Variants in SORBS2 observed in about 807,000 individuals in gnomAD.
The protein encoded by SORBS2 is sorbin and SH3 domain-containing protein 2.
A neutral mutation model predicts 97.7 loss-of-function variants in SORBS2; 46 were observed. That is an observed-to-expected ratio of 0.47 (90% CI 0.37 to 0.60). The LOEUF (loss-of-function observed/expected upper bound fraction) is 0.60, where lower values mean the gene tolerates loss of function less well. SORBS2 is among the 20% of genes least tolerant of loss of function. SORBS2 has a pLI of 0.00. For missense variants in SORBS2, 1,316 were observed against 1,282.3 expected, an observed-to-expected ratio of 1.03 and a Z score of -0.40; for synonymous variants, 476 against 473.4, an observed-to-expected ratio of 1.01 and a Z score of -0.07.
chr4:185,635,496 AG>A, intron 4 of SORBS2, 85 bp from the exon 16 acceptor site: 1 of 997,884 alleles, frequency 1.0e-6, no homozygotes, highest in South Asian at 1.4e-5. Flanking sequence ...CATGTGGAAA[AG>A]GTGACAACAG....
At chr4:185,865,237 G>T (rs1400083740) in intron 1 of SORBS2, among the ~76,000 whole-genome samples, 1 of 152,124 alleles carries the variant, frequency 6.6e-6, no homozygotes, top group Non-Finnish European at 1.5e-5. Flanking sequence ...CTCAAGTGAC[G>T]GAAACGTTAA....
chr4:185,757,258 A>G (rs2098837025), intron 2 of SORBS2: 2 of 235,280 alleles, frequency 8.5e-6, no homozygotes, highest in South Asian at 1.3e-4. Context: ...ACACTATTTT[A>G]TAAACAGAAA....
At chr4:185,666,769 A>G (rs2097609513) in intron 4 of SORBS2, among the ~76,000 whole-genome samples, 1 of 152,216 alleles carries the variant, frequency 6.6e-6, no homozygotes, top group South Asian at 2.1e-4. Flanking sequence ...AAAATACGAA[A>G]AGAATTGGAC....
chr4:185,723,455 C>A (rs115788807), intron 2 of SORBS2, among the ~76,000 whole-genome samples: 1,536 of 152,264 alleles, frequency 0.01, 32 homozygotes, highest in African/African-American at 0.036. Context: ...CCATGAGGTT[C>A]GTGAGAAAAT....
At chr4:185,907,650 T>C (rs1490720072) in intron 1 of SORBS2, among the ~76,000 whole-genome samples, 1 of 152,194 alleles carries the variant, frequency 6.6e-6, no homozygotes, top group Non-Finnish European at 1.5e-5. Flanking sequence ...CGAGGTTTTA[T>C]TGGTAAGTTA....
At chr4:185,853,696 G>A (rs2099219184) in intron 1 of SORBS2, among the ~76,000 whole-genome samples, 1 of 152,162 alleles carries the variant, frequency 6.6e-6, no homozygotes, top group Non-Finnish European at 1.5e-5. Flanking sequence ...TATTATAAAA[G>A]AAATGCATAA....
At chr4:185,829,310 T>G (rs1312584447) in intron 1 of SORBS2, among the ~76,000 whole-genome samples, 1 of 152,236 alleles carries the variant, frequency 6.6e-6, no homozygotes, top group African/African-American at 2.4e-5. Context: ...ATATCTTCCC[T>G]ATCCTTGTAC....
chr4:185,595,972 T>C (rs1283824019), intron 12 of SORBS2, among the ~76,000 whole-genome samples: 8 of 152,224 alleles, frequency 5.3e-5, no homozygotes, highest in Admixed American at 3.9e-4. Flanking sequence ...AAATGTCTAA[T>C]ATGCCAGACT....
At chr4:185,762,725 C>T (rs1459572948) in intron 2 of SORBS2, among the ~76,000 whole-genome samples, 1 of 152,090 alleles carries the variant, frequency 6.6e-6, no homozygotes, top group Non-Finnish European at 1.5e-5. Context: ...GTAACAATGA[C>T]ATGAGAAAAT....
chr4:185,862,029 A>G (rs985130280), intron 1 of SORBS2, among the ~76,000 whole-genome samples: 4 of 152,232 alleles, frequency 2.6e-5, no homozygotes, highest in Non-Finnish European at 5.9e-5. Flanking sequence ...TGCTGGGAGC[A>G]GGGAGGAGAG....
Position 185,604,595 on chromosome 4 carries a change from C to T in SORBS2, c.2796+7185G>A, listed in dbSNP as rs551261724. Among the ~76,000 whole-genome samples the T allele has an allele frequency of 3.4e-3, 512 of 152,268 alleles. 3 individuals are homozygous for T. The highest frequency in any genetic ancestry group is 0.011 in the African/African-American group (473 of 41,552). ...TCAGAATGAGGTTACATGCTCTTTA[C>T]GGAATTTCCTCTCAACTTCCAACAT... is the stretch of plus-strand genomic sequence containing the variant. On this transcript the variant is annotated intron_variant, in intron 12 of 14. Coordinates refer to ENST00000418609, the Ensembl canonical transcript of SORBS2.
upstream of SORBS2, among the ~76,000 whole-genome samples, chr4:185,661,357 T>C (rs556153754): frequency 1.2e-4 from 19 of 152,238 alleles, no homozygotes; most frequent in South Asian, 3.9e-3. Context: ...TTTCTATCAC[T>C]GTACAGCAAA....
At chr4:185,733,580 TC>T (rs1354855535) in intron 2 of SORBS2, among the ~76,000 whole-genome samples, 1 of 151,942 alleles carries the variant, frequency 6.6e-6, no homozygotes, top group African/African-American at 2.4e-5. Context: ...GCGTTCCTGG[TC>T]CCCGGTGAAG....
chr4:185,587,425 A>G (rs1413458506), exon 15 of SORBS2: 4 of 576,640 alleles, frequency 6.9e-6, no homozygotes, highest in Non-Finnish European at 1.2e-5. Flanking sequence ...CCACACTTTC[A>G]CGGAGGGGGA....
intron 2 of SORBS2, among the ~76,000 whole-genome samples, chr4:185,722,145 T>G (rs997828273): frequency 6.6e-6 from 1 of 152,172 alleles, no homozygotes; most frequent in African/African-American, 2.4e-5. Flanking sequence ...GAGATCATAT[T>G]ATGTCACTGG....
intron 1 of SORBS2, among the ~76,000 whole-genome samples, chr4:185,797,030 T>G (rs1027797172): frequency 2.0e-5 from 3 of 152,208 alleles, no homozygotes; most frequent in African/African-American, 7.2e-5. Flanking sequence ...GGACATATTC[T>G]TAGGCCCCAC....
At chr4:185,760,120 T>G (rs1584316073) in intron 2 of SORBS2, among the ~76,000 whole-genome samples, 1 of 152,344 alleles carries the variant, frequency 6.6e-6, no homozygotes, top group East Asian at 1.9e-4. Context: ...ATGCTTAGAC[T>G]TCCCAGCTCT....
intron 1 of SORBS2, among the ~76,000 whole-genome samples, chr4:185,793,006 G>C (rs899785977): frequency 1.3e-5 from 2 of 152,212 alleles, no homozygotes; most frequent in African/African-American, 2.4e-5. Context: ...TAGTCAATGA[G>C]AGGTATTTAA....
chr4:185,662,334 A>G, intron 4 of SORBS2, 92 bp from the exon 8 acceptor site: 1 of 1,277,344 alleles, frequency 7.8e-7, no homozygotes, highest in Non-Finnish European at 1.1e-6. Context: ...TTCCAATCAC[A>G]TGAGAGTAAT....
Sources: allele counts gnomAD v4.1 joint callset (sites outside exome capture counted in the v4.1 genomes callset), GRCh38; gene constraint gnomAD v4.1.1; transcripts MANE v1.5; gene names NCBI Gene and HGNC (gene_info 2026-07-23, HGNC 2026-07-21).